PPP2R3A: variants seen among roughly 807,000 people sequenced by gnomAD.
PPP2R3A encodes protein phosphatase 2 regulatory subunit B''alpha.
In PPP2R3A, 80 loss-of-function variants were observed where a neutral mutation model predicts 106.9. That is an observed-to-expected ratio of 0.75 (90% CI 0.62 to 0.90). PPP2R3A has a LOEUF of 0.90. Ranked by LOEUF, PPP2R3A falls within the 40% of genes least tolerant of loss-of-function variation. PPP2R3A has a pLI of 0.00. For missense variants in PPP2R3A, 1,386 were observed against 1,350.4 expected, an observed-to-expected ratio of 1.03 and a Z score of -0.41; for synonymous variants, 483 against 468.3, an observed-to-expected ratio of 1.03 and a Z score of -0.41.
At chr3:136,087,818 A>T in intron 8 of PPP2R3A, 65 bp from the exon 9 acceptor site, 2 of 1,328,864 alleles carry the variant, frequency 1.5e-6, no homozygotes. Context: ...AAATTTGTGA[A>T]AAGTATTGCC....
intron 1 of PPP2R3A, among the ~76,000 whole-genome samples, chr3:135,978,964 A>C (rs1437376612): frequency 6.6e-6 from 1 of 151,926 alleles, no homozygotes; most frequent in Non-Finnish European, 1.5e-5. Context: ...TTGTAATACA[A>C]TCTTTAATGA....
chr3:136,001,458 C>A lies in PPP2R3A; in HGVS notation c.-41C>A. 2 of 1,523,386 alleles carry A rather than the reference C, an allele frequency of 1.3e-6. No homozygotes were observed. Among genetic ancestry groups the A allele is most frequent in the Non-Finnish European group, 1.8e-6 (2 of 1,115,106 alleles). 94.4% of individuals were successfully genotyped at this position (1,523,386 alleles called of 1,614,324 possible). On this transcript the variant is annotated 5_prime_UTR_variant, in exon 2 of 14. Transcript: ENST00000264977. ...TAGGAGAATTTTCATGAAACAAGTTCTAGAAAGTTCCAAGTCCCACCAGTA... is the reference window on the plus strand; with the variant it reads ...TAGGAGAATTTTCATGAAACAAGTTATAGAAAGTTCCAAGTCCCACCAGTA...
At chr3:136,121,718 G>T (rs1345451076) in intron 13 of PPP2R3A, among the ~76,000 whole-genome samples, 10 of 151,982 alleles carry the variant, frequency 6.6e-5, no homozygotes, top group African/African-American at 1.9e-4. Flanking sequence ...ATTTTGAATG[G>T]TTTTTTTAAT....
chr3:136,049,600 C>T (rs1249513496), intron 5 of PPP2R3A, among the ~76,000 whole-genome samples: 1 of 152,066 alleles, frequency 6.6e-6, no homozygotes, highest in African/African-American at 2.4e-5. Flanking sequence ...GCTACTCCTT[C>T]AGGGCTACTC....
At chr3:136,074,689 G>A (rs914194337) in intron 6 of PPP2R3A, among the ~76,000 whole-genome samples, 3 of 152,168 alleles carry the variant, frequency 2.0e-5, no homozygotes, top group African/African-American at 7.2e-5. Context: ...GTGTGTCTTA[G>A]TGATATATTC....
chr3:135,993,681 T>A (rs973692816), intron 1 of PPP2R3A, among the ~76,000 whole-genome samples: 1 of 152,222 alleles, frequency 6.6e-6, no homozygotes, highest in African/African-American at 2.4e-5. Flanking sequence ...TTTTATCTAT[T>A]TGTTGAATAG....
intron 5 of PPP2R3A, among the ~76,000 whole-genome samples, chr3:136,063,551 A>G (rs537605698): frequency 1.3e-5 from 2 of 152,256 alleles, no homozygotes; most frequent in Admixed American, 6.5e-5. Flanking sequence ...TCTAGAATCT[A>G]CAATGAACTC....
intron 10 of PPP2R3A, among the ~76,000 whole-genome samples, chr3:136,098,964 C>G (rs984218999): frequency 3.3e-5 from 5 of 152,254 alleles, no homozygotes; most frequent in African/African-American, 1.2e-4. Flanking sequence ...GGTCTCCGGA[C>G]TGGGGAGCAT....
At chr3:136,067,230 A>C (rs534113537) in intron 5 of PPP2R3A, among the ~76,000 whole-genome samples, 1 of 152,352 alleles carries the variant, frequency 6.6e-6, no homozygotes, top group South Asian at 2.1e-4. Flanking sequence ...AAATAAAATT[A>C]ACAGAAAAAT....
At chr3:136,144,147 A>AT (rs1309875588) in intron 13 of PPP2R3A, among the ~76,000 whole-genome samples, 2 of 152,214 alleles carry the variant, frequency 1.3e-5, no homozygotes, top group Admixed American at 6.5e-5. Flanking sequence ...AGCCTGGAGG[A>AT]TACAGAATTC....
chr3:136,110,374 C>A (rs1434706142), intron 13 of PPP2R3A, among the ~76,000 whole-genome samples: 1 of 151,856 alleles, frequency 6.6e-6, no homozygotes, highest in Non-Finnish European at 1.5e-5. Context: ...AACACTAGAA[C>A]CAGTTTCTTA....
At chr3:136,141,686 T>C (rs935635118) in intron 13 of PPP2R3A, among the ~76,000 whole-genome samples, 1 of 152,130 alleles carries the variant, frequency 6.6e-6, no homozygotes, top group Non-Finnish European at 1.5e-5. Flanking sequence ...TTTCAGGCAA[T>C]TGAAAAACAT....
intron 6 of PPP2R3A, among the ~76,000 whole-genome samples, chr3:136,071,605 C>T (rs1186219039): frequency 6.6e-6 from 1 of 152,134 alleles, no homozygotes; most frequent in Non-Finnish European, 1.5e-5. Flanking sequence ...TCTAATTGCC[C>T]CATAGTCTAG....
chr3:136,146,099 T>C lies in PPP2R3A; in HGVS notation c.*933T>C, dbSNP rs1392800118. 6.6e-6 allele frequency: 1 copy of C among 152,162 alleles called. No homozygotes were observed. Among genetic ancestry groups the C allele is most frequent in the African/African-American group, 2.4e-5 (1 of 41,436 alleles). 9.4% of individuals were successfully genotyped at this position (152,162 alleles called of 1,614,324 possible). ...CTAGCTAATAGTAAAGGCCTCAACG[T>C]TATTCTTTACTTCATGTTGAAAACA... On this transcript the variant is annotated 3_prime_UTR_variant, in exon 14 of 14. Coordinates refer to ENST00000264977, the MANE Select transcript of PPP2R3A (RefSeq NM_002718.5).
At chr3:136,064,453 A>G (rs1936194533) in intron 5 of PPP2R3A, among the ~76,000 whole-genome samples, 1 of 152,048 alleles carries the variant, frequency 6.6e-6, no homozygotes, top group African/African-American at 2.4e-5. Context: ...CATGGGTTCT[A>G]TACTAATGTG....
rs185625189 is a variant in PPP2R3A at position 136,059,006 on chromosome 3, G to A, written c.2469+9645G>A. ...AAATTAACTCAAGATGGATTAAAAC[G>A]TAAATGTAAAACGCAAAACTATAAA... is the stretch of plus-strand genomic sequence containing the variant. On this transcript the variant is annotated intron_variant, in intron 5 of 13. Coordinates refer to ENST00000264977, the MANE Select transcript of PPP2R3A (RefSeq NM_002718.5). Among the ~76,000 whole-genome samples the A allele has an allele frequency of 7.2e-5, 11 of 152,136 alleles. No homozygotes were observed. The East Asian group carries it at 1.5e-3, about 21-fold the overall frequency.
intron 2 of PPP2R3A, among the ~76,000 whole-genome samples, chr3:136,011,974 TACACACACACACACACACATACACAC>T (rs1389082181): frequency 5.9e-5 from 8 of 136,522 alleles, no homozygotes; most frequent in Non-Finnish European, 1.2e-4. Flanking sequence ...TGAGAAATCA[TACACACACACACACACACATACACAC>T]ACACACACAC....
Position 136,138,695 on chromosome 3 carries a change from A to ATTTTTTTTTTTTTT in PPP2R3A, c.3330-6326_3330-6313dup, listed in dbSNP as rs747811648. Among the ~76,000 whole-genome samples, 27 of 50,638 alleles carry ATTTTTTTTTTTTTT rather than the reference A, an allele frequency of 5.3e-4. 4 individuals carry two copies. The highest frequency in any genetic ancestry group is 1.1e-3 in the East Asian group (1 of 928). 33.2% of individuals were successfully genotyped at this position (50,638 alleles called of 152,430 possible). A position where few individuals can be genotyped will look rare whatever the true frequency, so the allele number is the denominator to read the frequency against. On this transcript the variant is annotated intron_variant, in intron 13 of 13. Transcript: ENST00000264977. ...AGACTCCAAACTAGAGAAATATTGA[A>ATTTTTTTTTTTTTT]TTTTTTTTTTTTTTTTTTTTTTTTT...
At chr3:136,128,266 C>T (rs952672961) in intron 13 of PPP2R3A, among the ~76,000 whole-genome samples, 2 of 151,698 alleles carry the variant, frequency 1.3e-5, no homozygotes, top group African/African-American at 4.9e-5. Flanking sequence ...ATTCAGGAGA[C>T]CCATCTCATG....
Sources: allele counts gnomAD v4.1 joint callset (sites outside exome capture counted in the v4.1 genomes callset), GRCh38; gene constraint gnomAD v4.1.1; transcripts MANE v1.5; gene names NCBI Gene and HGNC (gene_info 2026-07-23, HGNC 2026-07-21).